Variants in TRMT11 observed in about 807,000 individuals in gnomAD.
TRMT11 encodes tRNA (guanine(10)-N(2))-methyltransferase TRMT11.
A neutral mutation model predicts 62.8 loss-of-function variants in TRMT11; 53 were observed. That is an observed-to-expected ratio of 0.84 (90% CI 0.68 to 1.06). The LOEUF is 1.06. Ranked by LOEUF, TRMT11 falls within the 50% of genes least tolerant of loss-of-function variation. The probability of loss-of-function intolerance (pLI) is 0.00; values close to 1 mark genes in which losing one functional copy is unlikely to be tolerated. For missense variants in TRMT11, 556 were observed against 553.4 expected, an observed-to-expected ratio of 1.00 and a Z score of -0.05; for synonymous variants, 188 against 190.3, an observed-to-expected ratio of 0.99 and a Z score of 0.10.
chr6:126,022,367 C>G (rs1182920103), intron 12 of TRMT11, among the ~76,000 whole-genome samples: 2 of 152,050 alleles, frequency 1.3e-5, no homozygotes, highest in African/African-American at 4.8e-5. Context: ...TCATACCCAT[C>G]TCTAGCCTGC....
chr6:126,093,971 C>T (rs1777311949), intron 17 of TRMT11, among the ~76,000 whole-genome samples: 1 of 152,030 alleles, frequency 6.6e-6, no homozygotes, highest in African/African-American at 2.4e-5. Context: ...ATGTGAGTGG[C>T]AAGGGAACTG....
intron 21 of TRMT11, among the ~76,000 whole-genome samples, chr6:126,158,149 A>G (rs1328874303): frequency 6.6e-6 from 1 of 152,182 alleles, no homozygotes; most frequent in African/African-American, 2.4e-5. Flanking sequence ...GAACATTTAT[A>G]TAAGTCCACT....
intron 1 of TRMT11, among the ~76,000 whole-genome samples, chr6:126,193,107 T>C (rs912035946): frequency 6.6e-6 from 1 of 152,158 alleles, no homozygotes; most frequent in African/African-American, 2.4e-5. Flanking sequence ...TCAGTCTCAT[T>C]ACTCAATATT....
At chr6:126,256,237 C>G in the TRMT11 span, among the ~76,000 whole-genome samples, 1 of 152,150 alleles carries the variant, frequency 6.6e-6, no homozygotes, top group Non-Finnish European at 1.5e-5. Context: ...GTCAAAGCTG[C>G]AATACCTTTT....
chr6:125,988,613 G>A (rs1346330721), intron 1 of TRMT11, among the ~76,000 whole-genome samples: 1 of 152,116 alleles, frequency 6.6e-6, no homozygotes, highest in Non-Finnish European at 1.5e-5. Flanking sequence ...GAGAGATGAT[G>A]GGCCAGCAGT....
chr6:126,063,250 T>C (rs981154314), intron 17 of TRMT11, among the ~76,000 whole-genome samples: 36 of 152,354 alleles, frequency 2.4e-4, no homozygotes, highest in African/African-American at 7.2e-4. Context: ...AGGAAAAGGC[T>C]ATTTTTGGTT....
At chr6:125,992,993 T>C (rs1327172720) in intron 1 of TRMT11, among the ~76,000 whole-genome samples, 1 of 152,182 alleles carries the variant, frequency 6.6e-6, no homozygotes, top group Non-Finnish European at 1.5e-5. Flanking sequence ...TCCCTTTTGA[T>C]GGCGGTGGGC....
At chr6:126,128,176 T>A (rs1419306459) in intron 21 of TRMT11, among the ~76,000 whole-genome samples, 1 of 152,138 alleles carries the variant, frequency 6.6e-6, no homozygotes, top group Non-Finnish European at 1.5e-5. Flanking sequence ...ATGTGGCTGC[T>A]TTTTTCATAA....
At chr6:126,170,462 C>A (rs572762626) in intron 21 of TRMT11, among the ~76,000 whole-genome samples, 2 of 152,236 alleles carry the variant, frequency 1.3e-5, no homozygotes, top group Admixed American at 1.3e-4. Context: ...CTGTGGTAAC[C>A]CAAGACAGAG....
At chr6:126,076,540 T>C (rs1290442176) in intron 17 of TRMT11, among the ~76,000 whole-genome samples, 2 of 152,222 alleles carry the variant, frequency 1.3e-5, no homozygotes, top group Non-Finnish European at 2.9e-5. Flanking sequence ...TAGGTTGAGT[T>C]GGATTTCTGC....
At chr6:126,218,806 G>A in the TRMT11 span, among the ~76,000 whole-genome samples, 4 of 152,162 alleles carry the variant, frequency 2.6e-5, no homozygotes, top group Non-Finnish European at 5.9e-5. Context: ...TGTGGCCTAT[G>A]CTGCTTTTCA....
At chr6:126,248,013 G>C in the TRMT11 span, among the ~76,000 whole-genome samples, 1 of 152,024 alleles carries the variant, frequency 6.6e-6, no homozygotes, top group African/African-American at 2.4e-5. Flanking sequence ...CAATAAATGA[G>C]AATTCAACTT....
At chr6:126,209,763 C>A in the TRMT11 span, among the ~76,000 whole-genome samples, 214 of 151,854 alleles carry the variant, frequency 1.4e-3, no homozygotes, top group Middle Eastern at 3.4e-3. Flanking sequence ...ACAACAACAA[C>A]AAAAAAACAA....
At chr6:126,262,611 G>T in the TRMT11 span, among the ~76,000 whole-genome samples, 1 of 152,140 alleles carries the variant, frequency 6.6e-6, no homozygotes, top group South Asian at 2.1e-4. Context: ...CTACTCTGCA[G>T]CAGTGTACTT....
intron 21 of TRMT11, among the ~76,000 whole-genome samples, chr6:126,124,049 T>G (rs558334134): frequency 6.6e-6 from 1 of 152,240 alleles, no homozygotes; most frequent in East Asian, 1.9e-4. Context: ...TCTAGGTTTT[T>G]TGGTTTTGTC....
At chr6:126,122,326 A>G (rs191440573) in intron 21 of TRMT11, among the ~76,000 whole-genome samples, 3 of 152,206 alleles carry the variant, frequency 2.0e-5, no homozygotes, top group Admixed American at 1.3e-4. Context: ...GCCTTAGAAG[A>G]AAAAGTTTTT....
At chr6:126,044,458 C>A (rs1219606158) in intron 16 of TRMT11, among the ~76,000 whole-genome samples, 1 of 152,114 alleles carries the variant, frequency 6.6e-6, no homozygotes, top group Non-Finnish European at 1.5e-5. Flanking sequence ...GTTACTGTAG[C>A]CTTGTAGTAT....
At chr6:126,037,932 T>A (rs1053784258) in intron 12 of TRMT11, among the ~76,000 whole-genome samples, 5 of 152,042 alleles carry the variant, frequency 3.3e-5, no homozygotes, top group African/African-American at 1.2e-4. Flanking sequence ...CCAGGTGTAA[T>A]TGAATATGAA....
At chr6:125,987,475 C>T (rs1373676342) in intron 1 of TRMT11, among the ~76,000 whole-genome samples, 1 of 152,122 alleles carries the variant, frequency 6.6e-6, no homozygotes, top group African/African-American at 2.4e-5. Flanking sequence ...CTTGAGTACC[C>T]TGGAGCTTGG....
Sources: allele counts gnomAD v4.1 joint callset (sites outside exome capture counted in the v4.1 genomes callset), GRCh38; gene constraint gnomAD v4.1.1; transcripts MANE v1.5; gene names NCBI Gene and HGNC (gene_info 2026-07-23, HGNC 2026-07-21).